CACNA1H: variants seen among roughly 807,000 people sequenced by gnomAD.
CACNA1H encodes voltage-dependent T-type calcium channel subunit alpha-1H.
A neutral mutation model predicts 192.5 loss-of-function variants in CACNA1H; 149 were observed. The observed-to-expected ratio is 0.77, with a 90% CI of 0.68 to 0.89. The LOEUF is 0.89. Among genes scored for constraint, CACNA1H ranks in the 40% least tolerant of loss-of-function variants. The pLI is 0.00. For missense variants in CACNA1H, 4,257 were observed against 3,423.5 expected (o/e 1.24, Z -6.08); for synonymous variants, 2,202 against 1,475.2 (o/e 1.49, Z -11.29).
chr16:1,183,822 C>T lies in CACNA1H; in HGVS notation c.300-11150C>T, dbSNP rs1337195421. Among the ~76,000 whole-genome samples, 16 of 152,376 alleles carry T rather than the reference C, an allele frequency of 1.1e-4. No homozygotes were observed. In the East Asian group the frequency reaches 2.7e-3, roughly 26 times the overall value. On this transcript the variant is annotated intron_variant, in intron 2 of 34. Coordinates refer to ENST00000348261, the MANE Select transcript of CACNA1H (RefSeq NM_021098.3). ...GCTCCCCCAGTGGGGTCTGTCCCGTCCCACCTGCTGGGAGACTCCAAAGTC... is the reference window on the plus strand; with the variant it reads ...GCTCCCCCAGTGGGGTCTGTCCCGTTCCACCTGCTGGGAGACTCCAAAGTC...
intron 2 of CACNA1H, 135 bp from the exon 3 acceptor site, chr16:1,194,837 T>TCCCCCACCCCATCCTGGACA (rs1966852292): frequency 1.8e-5 from 12 of 661,984 alleles, no homozygotes; most frequent in Non-Finnish European, 2.7e-5. Flanking sequence ...CGGTCCCGAG[T>TCCCCCACCCCATCCTGGACA]CCCCCACCCC....
At chr16:1,206,904 G>GGCCCCCCCCCCCC in intron 12 of CACNA1H, 97 bp from the exon 13 acceptor site, 1 of 293,812 alleles carries the variant, frequency 3.4e-6, no homozygotes. Flanking sequence ...AGCCAGTCCT[G>GGCCCCCCCCCCCC]CCCCTCCCTC....
intron 2 of CACNA1H, among the ~76,000 whole-genome samples, chr16:1,190,376 A>G (rs904096529): frequency 3.3e-5 from 5 of 152,238 alleles, no homozygotes; most frequent in Non-Finnish European, 7.3e-5. Context: ...CAGCCGGCAG[A>G]CACTGCCTGT....
chr16:1,168,752 C>T (rs1490617537), intron 2 of CACNA1H, among the ~76,000 whole-genome samples: 1 of 152,122 alleles, frequency 6.6e-6, no homozygotes, highest in African/African-American at 2.4e-5. Context: ...GGTGCCTTGT[C>T]CTAGGGGGAT....
chr16:1,211,015 G>A (rs1270187673), intron 21 of CACNA1H, 44 bp downstream of exon 21: 8 of 1,573,326 alleles, frequency 5.1e-6, no homozygotes, highest in Non-Finnish European at 6.9e-6. Flanking sequence ...TGGAAGCACA[G>A]TCCCCTGACG....
chr16:1,218,764 G>A (rs1040407101), intron 33 of CACNA1H, 113 bp downstream of exon 33: 15 of 1,208,186 alleles, frequency 1.2e-5, no homozygotes, highest in Non-Finnish European at 1.5e-5. Context: ...GAGGAAGGAT[G>A]GGCGGGAAGG....
Position 1,205,270 on chromosome 16 carries a change from G to A in CACNA1H, c.2603+5G>A, listed in dbSNP as rs1968547662. On this transcript the variant is annotated splice_donor_5th_base_variant and intron_variant, in intron 11 of 34. Coordinates refer to ENST00000348261, the MANE Select transcript of CACNA1H (RefSeq NM_021098.3). ...CGGCATCATCGTGGTCATCAGGTGGGTCCCCACCCTCTCCCCAGGAAGAGG... is the reference window on the plus strand; with the variant it reads ...CGGCATCATCGTGGTCATCAGGTGGATCCCCACCCTCTCCCCAGGAAGAGG... The A allele has an allele frequency of 6.3e-7, 1 of 1,594,050 alleles. No individual in the cohort carries two copies.
rs557000211 is a variant in CACNA1H at position 1,186,929 on chromosome 16, A to G, written c.300-8043A>G. ...CGGTTCTGAGTGGGGGTGGACACGG[A>G]CACAGGGCTGGTTCCCGGGGATCTC... On this transcript the variant is annotated intron_variant, in intron 2 of 34. Transcript: ENST00000348261. Among the ~76,000 whole-genome samples, 10 of 152,244 alleles carry G rather than the reference A, an allele frequency of 6.6e-5. No homozygotes were observed. The East Asian group carries it at 1.9e-3, about 30-fold the overall frequency.
Position 1,213,796 on chromosome 16 carries a change from C to T in CACNA1H, c.4794C>T (p.Pro1598=). 6.4e-7 allele frequency: 1 copy of T among 1,568,020 alleles called. No homozygotes were observed. The highest frequency in any genetic ancestry group is 8.6e-7 in the Non-Finnish European group (1 of 1,158,998). ...TFPSPEAQRR[P]YYADYSPTRR... ...TCCCCGCAGAGGCCCAGCGCCGGCC[C>T]TACTATGCCGACTACTCGCCCACGC... The change falls in exon 27 of 35, where the codon CCC becomes CCT. Residue 1598 remains proline (P), a synonymous_variant. Transcript: ENST00000348261.
Position 1,202,322 on chromosome 16 carries a change from C to T in CACNA1H, c.1872C>T (p.Gly624=). 6.3e-7 allele frequency: 1 copy of T among 1,581,652 alleles called. No individual in the cohort carries two copies. The highest frequency in any genetic ancestry group is 8.6e-7 in the Non-Finnish European group (1 of 1,166,174). Residue 624 remains glycine (G), a synonymous_variant, in exon 9 of 35, where the codon GGC becomes GGT. Coordinates refer to ENST00000348261, the MANE Select transcript of CACNA1H (RefSeq NM_021098.3). Reference sequence around the variant, plus strand: ...TCCTGCCCTCAGGGGTGGGCAGCGGCAAAGGCAGCACCAGCCCCGGACCCA... The same window carrying T: ...TCCTGCCCTCAGGGGTGGGCAGCGGTAAAGGCAGCACCAGCCCCGGACCCA... ...PTILPSGVGS[G]KGSTSPGPKG...
chr16:1,187,707 A>G (rs1208279333), intron 2 of CACNA1H, among the ~76,000 whole-genome samples: 3 of 152,086 alleles, frequency 2.0e-5, no homozygotes, highest in Non-Finnish European at 4.4e-5. Flanking sequence ...GGCCACTCTG[A>G]CCATAGAGGA....
intron 27 of CACNA1H, among the ~76,000 whole-genome samples, chr16:1,214,343 A>C (rs1368875125): frequency 4.6e-5 from 7 of 152,360 alleles, no homozygotes; most frequent in African/African-American, 1.7e-4. Flanking sequence ...AGAAGGAGGT[A>C]GCCTCTGGGT....
chr16:1,211,758 G>A lies in CACNA1H; in HGVS notation c.4519G>A (p.Val1507Met), dbSNP rs1431899115. 1 of 1,612,754 alleles carries A rather than the reference G, an allele frequency of 6.2e-7. No individual in the cohort carries two copies. The highest frequency in any genetic ancestry group is 8.5e-7 in the Non-Finnish European group (1 of 1,179,746). The change falls in exon 24 of 35, where the codon GTG becomes ATG. Residue 1507 changes from valine (V) to methionine (M), a missense_variant. Coordinates refer to ENST00000348261, the MANE Select transcript of CACNA1H (RefSeq NM_021098.3). The stretch of plus-strand genomic sequence containing the variant: ...CGTGCTGTCATCCAAGGATGGATGG[G>A]TGAACATCATGTACGACGGGCTGGA... ...LFVLSSKDGW[V>M]NIMYDGLDAV...
Position 1,209,181 on chromosome 16 carries a change from C to G in CACNA1H, c.3513C>G (p.Gly1171=). 6.4e-7 allele frequency: 1 copy of G among 1,553,266 alleles called. No homozygotes were observed. The highest frequency in any genetic ancestry group is 8.7e-7 in the Non-Finnish European group (1 of 1,149,464). ...GERESLLSGE[G]KGSTDDEAED... ...GTGAGTCCCTGCTGTCTGGCGAGGG[C>G]AAGGGCAGCACCGACGACGAAGCTG... Residue 1171 remains glycine (G), a synonymous_variant, in exon 17 of 35, where the codon GGC becomes GGG. Transcript: ENST00000348261.
intron 2 of CACNA1H, among the ~76,000 whole-genome samples, chr16:1,164,727 C>A (rs112596952): frequency 6.6e-6 from 1 of 152,130 alleles, no homozygotes; most frequent in Non-Finnish European, 1.5e-5. Flanking sequence ...CCTCAAGCCC[C>A]GCAGAGGGGC....
At chr16:1,183,384 G>A (rs898794631) in intron 2 of CACNA1H, among the ~76,000 whole-genome samples, 6 of 152,330 alleles carry the variant, frequency 3.9e-5, no homozygotes, top group South Asian at 2.1e-4. Context: ...CGCCCTCAGC[G>A]TGGAGCCGGG....
intron 11 of CACNA1H, among the ~76,000 whole-genome samples, chr16:1,205,516 A>C (rs1438072510): frequency 1.3e-5 from 2 of 152,168 alleles, no homozygotes; most frequent in Non-Finnish European, 2.9e-5. Context: ...GCTGCGTCTC[A>C]GATGTTTCTA....
intron 2 of CACNA1H, among the ~76,000 whole-genome samples, chr16:1,158,707 C>T (rs1472400321): frequency 1.3e-5 from 2 of 152,174 alleles, no homozygotes; most frequent in East Asian, 1.9e-4. Context: ...CCCGCTTCTG[C>T]GGCCGGGGCT....
chr16:1,208,217 C>T lies in CACNA1H; in HGVS notation c.3359C>T (p.Pro1120Leu). The change falls in exon 16 of 35, where the codon CCT becomes CTT. Residue 1120 changes from proline to leucine, a missense_variant. Transcript: ENST00000348261. Reference protein sequence around the residue: ...SGDPPLGDQKPPASLRSSPCA... With the variant: ...SGDPPLGDQKLPASLRSSPCA... ...GACCCGCCACTGGGAGACCAGAAGC[C>T]TCCGGTAGGGACCATCTCCTGCCCC... 6.4e-7 allele frequency: 1 copy of T among 1,558,852 alleles called. No homozygotes were observed. The highest frequency in any genetic ancestry group is 1.9e-5 in the Admixed American group (1 of 53,090).
Sources: allele counts gnomAD v4.1 joint callset (sites outside exome capture counted in the v4.1 genomes callset), GRCh38; gene constraint gnomAD v4.1.1; transcripts MANE v1.5; gene names NCBI Gene and HGNC (gene_info 2026-07-23, HGNC 2026-07-21).